Variants in TAOK3 observed in about 807,000 individuals in gnomAD.
TAOK3 encodes the protein TAO kinase 3, also known as serine/threonine-protein kinase TAO3.
In TAOK3, 40 loss-of-function variants were observed where a neutral mutation model predicts 120.4. That is an observed-to-expected ratio of 0.33 (90% CI 0.26 to 0.43). TAOK3 has a LOEUF of 0.43. Among genes scored for constraint, TAOK3 ranks in the 20% least tolerant of loss-of-function variants. The pLI, the probability that TAOK3 is intolerant of heterozygous loss-of-function variation, is 1.00. For synonymous variants in TAOK3, 355 were observed against 387.5 expected, an observed-to-expected ratio of 0.92 and a Z score of 0.99; for missense variants, 821 against 1,112.1, an observed-to-expected ratio of 0.74 and a Z score of 3.72.
chr12:118,198,794 C>T (rs866555246), intron 13 of TAOK3: 1 of 491,280 alleles, frequency 2.0e-6, no homozygotes, highest in Admixed American at 3.3e-5. Context: ...TAGAGAAGGA[C>T]TTATCAAATT....
intron 1 of TAOK3, among the ~76,000 whole-genome samples, chr12:118,331,827 A>ATTT (rs1279110025): frequency 7.0e-6 from 1 of 142,160 alleles, no homozygotes; most frequent in Non-Finnish European, 1.5e-5. Context: ...AAATACATGA[A>ATTT]TTTTTTTTTT....
At chr12:118,305,200 G>A (rs549413736) in intron 1 of TAOK3, among the ~76,000 whole-genome samples, 28 of 152,232 alleles carry the variant, frequency 1.8e-4, no homozygotes, top group Admixed American at 5.2e-4. Context: ...AACTTAACCC[G>A]CCGGGTTTGG....
At chr12:118,305,911 A>AG (rs1185892939) in intron 1 of TAOK3, among the ~76,000 whole-genome samples, 1 of 152,034 alleles carries the variant, frequency 6.6e-6, no homozygotes, top group East Asian at 1.9e-4. Flanking sequence ...TCTCAAAAAA[A>AG]AAAAAAAAAA....
chr12:118,276,141 T>C (rs1186533204), intron 1 of TAOK3, among the ~76,000 whole-genome samples: 2 of 152,168 alleles, frequency 1.3e-5, no homozygotes, highest in African/African-American at 2.4e-5. Flanking sequence ...CTGACTATTC[T>C]GTGGGAAATA....
intron 14 of TAOK3, among the ~76,000 whole-genome samples, 171 bp from the exon 15 acceptor site, chr12:118,181,778 TTATG>T (rs2036743146): frequency 6.6e-6 from 1 of 152,224 alleles, no homozygotes; most frequent in Non-Finnish European, 1.5e-5. Flanking sequence ...TAGATACTCT[TTATG>T]TATTTTATCC....
In TAOK3 at chr12:118,214,016, C is replaced by T; in HGVS notation, c.737+1G>A. On this transcript the variant is annotated splice_donor_variant, in intron 10 of 20. Transcript: ENST00000392533. LOFTEE classifies it high-confidence loss of function. ...GATTTAAAATGATAGCAGAGTCTTA[C>T]CATTCATTAGACTGTAACGTTGGGG... 1 of 1,603,766 alleles carries T rather than the reference C, an allele frequency of 6.2e-7. No homozygotes were observed. Among genetic ancestry groups the T allele is most frequent in the East Asian group, 2.2e-5 (1 of 44,574 alleles).
intron 1 of TAOK3, among the ~76,000 whole-genome samples, chr12:118,294,632 C>T (rs2042607437): frequency 6.6e-6 from 1 of 152,124 alleles, no homozygotes; most frequent in East Asian, 1.9e-4. Flanking sequence ...GATCTGCCTG[C>T]CTCGGCCTCC....
intron 20 of TAOK3, 109 bp from the exon 21 acceptor site, chr12:118,151,267 C>T: frequency 1.9e-6 from 2 of 1,080,392 alleles, no homozygotes; most frequent in Admixed American, 2.4e-5. Flanking sequence ...CACATAGGCA[C>T]ACACATGAAG....
At chr12:118,228,051 A>C (rs538027801) in intron 9 of TAOK3, among the ~76,000 whole-genome samples, 2 of 152,254 alleles carry the variant, frequency 1.3e-5, no homozygotes, top group South Asian at 4.1e-4. Flanking sequence ...TAAAAAAATA[A>C]GAAAGTAGAT....
chr12:118,340,850 G>A (rs2044587062), intron 1 of TAOK3, among the ~76,000 whole-genome samples: 1 of 151,962 alleles, frequency 6.6e-6, no homozygotes, highest in Non-Finnish European at 1.5e-5. Context: ...GGCCAAGGAA[G>A]GAGGACTGCT....
chr12:118,191,929 C>T (rs942800964), intron 13 of TAOK3, among the ~76,000 whole-genome samples: 4 of 152,158 alleles, frequency 2.6e-5, no homozygotes, highest in Admixed American at 2.0e-4. Flanking sequence ...TATTAATTGG[C>T]TAACTTACCA....
In TAOK3 at chr12:118,180,403, G is replaced by A. The variant is rs565123500; in HGVS notation, c.1566+968C>T. 4.6e-5 allele frequency among the ~76,000 whole-genome samples: 7 copies of A among 152,054 alleles called. No individual in the cohort carries two copies. In the South Asian group the frequency reaches 1.0e-3, roughly 23 times the overall value. On this transcript the variant is annotated intron_variant, in intron 15 of 20. Transcript: ENST00000392533. Reference sequence around the variant, plus strand: ...CTATAGGCATGTGCCACCACACCCAGCTAACTTTTGTATTTTTTGTGGAGA... The same window carrying A: ...CTATAGGCATGTGCCACCACACCCAACTAACTTTTGTATTTTTTGTGGAGA...
At chr12:118,209,659 A>G (rs949910798) in intron 11 of TAOK3, among the ~76,000 whole-genome samples, 3 of 151,472 alleles carry the variant, frequency 2.0e-5, no homozygotes, top group Non-Finnish European at 4.4e-5. Flanking sequence ...TTGGCCTCCT[A>G]AAGTGCTGGG....
At chr12:118,240,620 A>G (rs1694794677) in intron 5 of TAOK3, among the ~76,000 whole-genome samples, 1 of 152,132 alleles carries the variant, frequency 6.6e-6, no homozygotes, top group South Asian at 2.1e-4. Flanking sequence ...CTGGGATTAC[A>G]GGCATAAGCC....
chr12:118,298,768 T>C (rs1202278745), intron 1 of TAOK3, among the ~76,000 whole-genome samples: 3 of 152,234 alleles, frequency 2.0e-5, no homozygotes, highest in Non-Finnish European at 4.4e-5. Context: ...ATATTCCATA[T>C]AGATATTTGA....
In TAOK3 at chr12:118,372,892, C is replaced by T. The variant is rs1015375310; in HGVS notation, c.-438G>A. The T allele has an allele frequency of 6.5e-6, 1 of 154,498 alleles. No individual in the cohort carries two copies. Among genetic ancestry groups the T allele is most frequent in the Admixed American group, 6.5e-5 (1 of 15,302 alleles). The allele number at this position is 154,498 out of a possible 1,614,324, so 9.6% of individuals were successfully genotyped here. A position where few individuals can be genotyped will look rare whatever the true frequency, so the allele number is the denominator to read the frequency against. ...CCGCGGCCGCCGCCGCTGCTGCTGTCCGAGGTGCGGCTCCTGCCAGGGGTG... is the reference window on the plus strand; with the variant it reads ...CCGCGGCCGCCGCCGCTGCTGCTGTTCGAGGTGCGGCTCCTGCCAGGGGTG... On this transcript the variant is annotated 5_prime_UTR_variant, in exon 1 of 21. Transcript: ENST00000392533. The surrounding 1 kb of genome is among the most constrained non-coding windows in gnomAD (Gnocchi z 4.6).
At chr12:118,189,193 T>C (rs1387017381) in intron 14 of TAOK3, among the ~76,000 whole-genome samples, 1 of 152,186 alleles carries the variant, frequency 6.6e-6, no homozygotes, top group Non-Finnish European at 1.5e-5. Context: ...GCCACTACCA[T>C]TGTTGCAATA....
At chr12:118,267,127 T>C (rs1476745181) in intron 1 of TAOK3, among the ~76,000 whole-genome samples, 3 of 152,230 alleles carry the variant, frequency 2.0e-5, no homozygotes, top group Admixed American at 1.3e-4. Flanking sequence ...GCTTTTCCAA[T>C]AGACATGATG....
chr12:118,270,959 G>T (rs778533820), intron 1 of TAOK3, among the ~76,000 whole-genome samples: 1 of 151,936 alleles, frequency 6.6e-6, no homozygotes, highest in Non-Finnish European at 1.5e-5. Context: ...TTACAGGTGT[G>T]AGCCACCACG....
Sources: gnomAD v4.1 joint callset for allele counts (sites outside exome capture counted in the v4.1 genomes callset) on GRCh38, gnomAD v4.1.1 for gene constraint, Gnocchi (gnomAD v3.1) non-coding constraint, MANE v1.5 for transcripts, NCBI Gene and HGNC (gene_info 2026-07-23, HGNC 2026-07-21) for gene names.